Variants in PRC1 observed in about 807,000 individuals in gnomAD.
The protein encoded by PRC1 is anaphase spindle elongation 1 homolog.
In PRC1, 54 loss-of-function variants were observed where a neutral mutation model predicts 91.2. The observed-to-expected ratio is 0.59, with a 90% CI of 0.48 to 0.74. PRC1 has a LOEUF of 0.74. Ranked by LOEUF, PRC1 falls within the 30% of genes least tolerant of loss-of-function variation. The pLI is 0.00. For missense variants in PRC1, 727 were observed against 746.2 expected, an observed-to-expected ratio of 0.97 and a Z score of 0.30; for synonymous variants, 275 against 263.6, an observed-to-expected ratio of 1.04 and a Z score of -0.42.
chr15:90,983,902 T>G lies in PRC1; in HGVS notation c.267+116A>C, dbSNP rs768510404. ...CTACACAGCATGTTTTCCCCACTTCTTACGTCTAGCTCCATCCCTACGAGG... is the reference window on the plus strand; with the variant it reads ...CTACACAGCATGTTTTCCCCACTTCGTACGTCTAGCTCCATCCCTACGAGG... On this transcript the variant is annotated intron_variant, in intron 3 of 14. Transcript: ENST00000394249. 9 of 1,363,650 alleles carry G rather than the reference T, an allele frequency of 6.6e-6. No individual in the cohort carries two copies. In the Middle Eastern group the frequency reaches 8.2e-4, roughly 124 times the overall value. The allele number at this position is 1,363,650 out of a possible 1,614,324, so 84.5% of individuals were successfully genotyped here. A position where few individuals can be genotyped will look rare whatever the true frequency, so the allele number is the denominator to read the frequency against.
rs772558107 is a variant in PRC1 at position 90,970,485 on chromosome 15, C to T, written c.1491G>A (p.Thr497=). ...AGATAGGCCGAATGCTACTATTGGC[C>T]GTAGCATTGGACATGGTGGTAGTGT... ...KLNTTTMSNA[T]ANSSIRPIFG... The change falls in exon 12 of 15, where the codon ACG becomes ACA. Residue 497 remains threonine, a synonymous_variant. Transcript: ENST00000394249. 2.0e-5 allele frequency: 33 copies of T among 1,613,486 alleles called. No homozygotes were observed. Among genetic ancestry groups the T allele is most frequent in the Non-Finnish European group, 2.6e-5 (31 of 1,179,538 alleles).
At chr15:90,980,161 T>C (rs1440691952) in intron 7 of PRC1, 81 bp downstream of exon 7, 10 of 1,452,192 alleles carry the variant, frequency 6.9e-6, no homozygotes, top group Non-Finnish European at 9.1e-6. Flanking sequence ...TGTTTGAGCC[T>C]AGGAACTTGA....
intron 12 of PRC1, 140 bp from the exon 13 acceptor site, chr15:90,969,763 C>CAT (rs61067469): frequency 0.069 from 8,952 of 129,268 alleles, 763 homozygotes; most frequent in Non-Finnish European, 0.12. Flanking sequence ...AAAAAAAAAA[C>CAT]ATATATATAT....
intron 13 of PRC1, 73 bp downstream of exon 13, chr15:90,969,374 C>G: frequency 1.3e-6 from 2 of 1,504,774 alleles, no homozygotes; most frequent in Non-Finnish European, 1.8e-6. Context: ...CCTGGGTGCC[C>G]CTGGGAAGAT....
At position 90,974,614 on chromosome 15, in the gene PRC1, A is replaced by G. The variant is rs767469470; in HGVS notation, c.1321T>C (p.Leu441=). 7.4e-6 allele frequency: 12 copies of G among 1,614,048 alleles called. No homozygotes were observed. Among genetic ancestry groups the G allele is most frequent in the African/African-American group, 2.7e-5 (2 of 75,004 alleles). ...TCCTGCTTGGCTCTCTCTTTCTCCA[A>G]TCGATGCATCTCCCATTGTTCTGCC... ...YVAEQWEMHR[L]EKERAKQERQ... Residue 441 remains leucine, a synonymous_variant, in exon 10 of 15, where the codon TTG becomes CTG. Coordinates refer to ENST00000394249, the MANE Select transcript of PRC1 (RefSeq NM_003981.4). The surrounding 1 kb of genome is among the most constrained non-coding windows in gnomAD (Gnocchi z 4.6).
At chr15:90,987,167 G>GCTACT (rs2039645935) in intron 1 of PRC1, among the ~76,000 whole-genome samples, 1 of 151,330 alleles carries the variant, frequency 6.6e-6, no homozygotes, top group African/African-American at 2.4e-5. Context: ...TATAGTCCCA[G>GCTACT]CTACTCAGGA....
At chr15:90,990,928 G>A (rs1294099794) in intron 1 of PRC1, among the ~76,000 whole-genome samples, 4 of 151,448 alleles carry the variant, frequency 2.6e-5, no homozygotes, top group East Asian at 2.0e-4. Flanking sequence ...ACAGGCACAC[G>A]GCACCACGCC....
chr15:90,969,861 T>C (rs1224658058), intron 12 of PRC1, among the ~76,000 whole-genome samples: 1 of 149,210 alleles, frequency 6.7e-6, no homozygotes, highest in African/African-American at 2.4e-5. Context: ...GGCAGGAGGA[T>C]TGCTTGAGGC....
chr15:90,981,487 A>G lies in PRC1; in HGVS notation c.672+12T>C. 1 of 1,613,542 alleles carries G rather than the reference A, an allele frequency of 6.2e-7. No individual in the cohort carries two copies. The highest frequency in any genetic ancestry group is 2.2e-5 in the East Asian group (1 of 44,874). On this transcript the variant is annotated intron_variant, in intron 5 of 14. Coordinates refer to ENST00000394249, the MANE Select transcript of PRC1 (RefSeq NM_003981.4). ...TACGGAGATCCTAGGGCATAATTTG[A>G]GAAGACAGTACCTGCCGTAGCAACT...
intron 7 of PRC1, among the ~76,000 whole-genome samples, chr15:90,979,821 G>A (rs1292511581): frequency 6.6e-6 from 1 of 152,180 alleles, no homozygotes. Flanking sequence ...CTTGACATGA[G>A]GATGTGAAAT....
In PRC1 at chr15:90,976,783, A is replaced by G; in HGVS notation, c.1108-12T>C. The G allele has an allele frequency of 6.3e-7, 1 of 1,599,180 alleles. No individual in the cohort carries two copies. The highest frequency in any genetic ancestry group is 8.6e-7 in the Non-Finnish European group (1 of 1,167,480). The stretch of plus-strand genomic sequence containing the variant: ...TCTGAAGCTTTTCTCTGTGAAAAAT[A>G]CATTTTTAATTAGTGGAAAACCTGG... On this transcript the variant is annotated splice_polypyrimidine_tract_variant and intron_variant, in intron 8 of 14. Coordinates refer to ENST00000394249, the MANE Select transcript of PRC1 (RefSeq NM_003981.4).
intron 12 of PRC1, 123 bp from the exon 13 acceptor site, chr15:90,969,746 T>C (rs2037896750): frequency 5.4e-6 from 2 of 372,158 alleles, no homozygotes; most frequent in Admixed American, 5.1e-5. Context: ...TCCTATACTT[T>C]TTAGTTAAAA....
At chr15:90,976,539 AC>A in intron 9 of PRC1, 136 bp downstream of exon 9, 4 of 704,190 alleles carry the variant, frequency 5.7e-6, no homozygotes, top group Non-Finnish European at 9.4e-6. Flanking sequence ...AGTTGCTTAT[AC>A]TAAATATATA....
chr15:90,994,532 C>G lies in PRC1; in HGVS notation c.-115G>C. The G allele has an allele frequency of 2.1e-6, 3 of 1,424,494 alleles. No individual in the cohort carries two copies. The highest frequency in any genetic ancestry group is 2.8e-5 in the East Asian group (1 of 35,432). 88.2% of individuals were successfully genotyped at this position (1,424,494 alleles called of 1,614,324 possible). A position where few individuals can be genotyped will look rare whatever the true frequency, so the allele number is the denominator to read the frequency against. On this transcript the variant is annotated 5_prime_UTR_variant, in exon 1 of 15. Transcript: ENST00000394249. ...CACTCCGCGTAGCCGCTCCGCGAGCCGTTGAGCCCCGCAAAATTTCAAACC... is the reference window on the plus strand; with the variant it reads ...CACTCCGCGTAGCCGCTCCGCGAGCGGTTGAGCCCCGCAAAATTTCAAACC...
Position 90,984,263 on chromosome 15 carries a change from CTG to C in PRC1, c.145-125_145-124del. On this transcript the variant is annotated intron_variant, in intron 2 of 14. Transcript: ENST00000394249. The surrounding 1 kb of genome is among the most constrained non-coding windows in gnomAD (Gnocchi z 5.1). ...TTTTTCTTTGAGATGGAGTCTCGCTCTGTTGCCCAGGCTGGAGTGCAATGGCG... is the reference window on the plus strand; with the variant it reads ...TTTTTCTTTGAGATGGAGTCTCGCTCTTGCCCAGGCTGGAGTGCAATGGCG... 7.4e-7 allele frequency: 1 copy of C among 1,343,746 alleles called. No homozygotes were observed. The highest frequency in any genetic ancestry group is 1.0e-6 in the Non-Finnish European group (1 of 986,804). The allele number at this position is 1,343,746 out of a possible 1,614,324, so 83.2% of individuals were successfully genotyped here.
intron 1 of PRC1, among the ~76,000 whole-genome samples, chr15:90,986,891 A>AG (rs2039617207): frequency 7.5e-6 from 1 of 133,934 alleles, no homozygotes; most frequent in Admixed American, 7.6e-5. Context: ...GGGAAGAGGA[A>AG]GGAAAAAAAA....
intron 9 of PRC1, among the ~76,000 whole-genome samples, chr15:90,975,539 C>G (rs1051556611): frequency 3.4e-5 from 5 of 148,370 alleles, no homozygotes; most frequent in Admixed American, 2.0e-4. Context: ...TTATTATTAT[C>G]AAAGTGGAAA....
chr15:90,967,817 G>A (rs2037654551), intron 14 of PRC1: 2 of 981,404 alleles, frequency 2.0e-6, no homozygotes, highest in Admixed American at 6.1e-5. Context: ...ACATATCCCT[G>A]TCATTAAGCG....
chr15:90,973,303 G>A (rs1194406962), intron 11 of PRC1, among the ~76,000 whole-genome samples: 2 of 152,226 alleles, frequency 1.3e-5, no homozygotes, highest in Non-Finnish European at 2.9e-5. Flanking sequence ...TGCAGCATGT[G>A]CCTTGTTAAC....
Sources: gnomAD v4.1 joint callset for allele counts (sites outside exome capture counted in the v4.1 genomes callset) on GRCh38, gnomAD v4.1.1 for gene constraint, Gnocchi (gnomAD v3.1) non-coding constraint, MANE v1.5 for transcripts, NCBI Gene and HGNC (gene_info 2026-07-23, HGNC 2026-07-21) for gene names.